Variants in DNASE1 observed in about 807,000 individuals in gnomAD.
DNASE1 encodes deoxyribonuclease-1.
DNASE1 carries 40 observed loss-of-function variants against 33.9 expected under a neutral mutation model. The observed-to-expected ratio is 1.18, with a 90% confidence interval of 0.92 to 1.54. The LOEUF (loss-of-function observed/expected upper bound fraction) is 1.54. Among genes scored for constraint, DNASE1 ranks in the 40% most tolerant of loss-of-function variants. The probability of loss-of-function intolerance (pLI) is 0.00; values close to 1 mark genes in which losing one functional copy is unlikely to be tolerated. For synonymous variants in DNASE1, 216 were observed against 160.0 expected, an observed-to-expected ratio of 1.35 and a Z score of -2.64; for missense variants, 518 against 372.6, an observed-to-expected ratio of 1.39 and a Z score of -3.21.
downstream of DNASE1, chr16:3,660,340 A>T (rs2043000086): frequency 1.3e-5 from 2 of 152,260 alleles, no homozygotes; most frequent in African/African-American, 4.8e-5. Context: ...TTTTAAAACA[A>T]ATGAAAGTGA....
At chr16:3,617,688 G>C (rs1260131307) in intron 1 of DNASE1, among the ~76,000 whole-genome samples, 1 of 152,146 alleles carries the variant, frequency 6.6e-6, no homozygotes, top group Non-Finnish European at 1.5e-5. Context: ...GCTCATGCCG[G>C]TAATCCCAGC....
upstream of DNASE1, among the ~76,000 whole-genome samples, chr16:3,638,396 G>A (rs2151187979): frequency 6.6e-6 from 1 of 152,238 alleles, no homozygotes; most frequent in Non-Finnish European, 1.5e-5. Context: ...GGAGTACAGT[G>A]GCGCAATCTT....
intron 1 of DNASE1, among the ~76,000 whole-genome samples, chr16:3,615,315 C>G (rs1394701739): frequency 1.3e-5 from 2 of 152,158 alleles, no homozygotes; most frequent in African/African-American, 4.8e-5. Context: ...ACAAAGCCAT[C>G]CATAACTGGG....
At chr16:3,658,389 G>C (rs540528113), downstream of DNASE1, 1 of 660,332 alleles carries the variant, frequency 1.5e-6, no homozygotes, top group African/African-American at 1.8e-5. Context: ...CAAAGTGCTG[G>C]GATTACAGGC....
rs549574607 is a variant in DNASE1, at chr16:3,636,167, CA to C, written c.-1358-4547del. 1.9e-3 allele frequency among the ~76,000 whole-genome samples: 293 copies of C among 152,114 alleles called. 2 individuals carry two copies. The highest frequency in any genetic ancestry group is 6.6e-3 in the African/African-American group (275 of 41,514). On this transcript the variant is annotated intron_variant and NMD_transcript_variant, in intron 1 of 11. Coordinates refer to the DNASE1 transcript ENST00000570769. Reference sequence around the variant, plus strand: ...TTTCAGTTTGGGAAGTTGCTACTGACATTTTTTTTCAAGCTCATTGATTCTT... The same window carrying C: ...TTTCAGTTTGGGAAGTTGCTACTGACTTTTTTTTCAAGCTCATTGATTCTT...
exon 10 of DNASE1, chr16:3,663,139 C>T (rs1439324151): frequency 1.5e-5 from 10 of 668,662 alleles, no homozygotes; most frequent in Non-Finnish European, 2.5e-5. Flanking sequence ...CTTCAGGTTG[C>T]CTGAGGCCCA....
At chr16:3,624,428 C>G (rs2041433584) in intron 1 of DNASE1, among the ~76,000 whole-genome samples, 1 of 152,176 alleles carries the variant, frequency 6.6e-6, no homozygotes, top group African/African-American at 2.4e-5. Flanking sequence ...TGGTGGTGCT[C>G]TAGGCACTGG....
intron 1 of DNASE1, among the ~76,000 whole-genome samples, chr16:3,648,713 A>G (rs919285458): frequency 6.6e-6 from 1 of 152,242 alleles, no homozygotes; most frequent in Non-Finnish European, 1.5e-5. Context: ...TTAAGAGTTT[A>G]CTATTAATAC....
exon 10 of DNASE1, chr16:3,664,434 T>C: frequency 1.2e-6 from 2 of 1,612,154 alleles, no homozygotes; most frequent in African/African-American, 1.3e-5. Context: ...CGAGGACTCG[T>C]AGCGCAGCAG....
chr16:3,633,015 T>G (rs2041747843), intron 1 of DNASE1, among the ~76,000 whole-genome samples: 1 of 152,224 alleles, frequency 6.6e-6, no homozygotes, highest in Non-Finnish European at 1.5e-5. Flanking sequence ...TCTGAGAAAG[T>G]CTTTATTTCT....
chr16:3,615,502 T>C (rs557221342), intron 1 of DNASE1, among the ~76,000 whole-genome samples: 4 of 152,224 alleles, frequency 2.6e-5, no homozygotes, highest in African/African-American at 9.6e-5. Context: ...GTTATTTCAG[T>C]AGGAACAGTA....
chr16:3,659,757 A>C (rs982586643), downstream of DNASE1: 8 of 131,360 alleles, frequency 6.1e-5, no homozygotes, highest in African/African-American at 2.1e-4. Context: ...TTTTAGATAG[A>C]TAGATAGATA....
At chr16:3,650,288 C>T (rs138483747), upstream of DNASE1, among the ~76,000 whole-genome samples, 42 of 152,164 alleles carry the variant, frequency 2.8e-4, 1 homozygote, top group East Asian at 4.2e-3. Context: ...GTAGAAACCA[C>T]GAGTTATTAA....
chr16:3,630,457 G>A (rs955277584), intron 1 of DNASE1, among the ~76,000 whole-genome samples: 1 of 152,074 alleles, frequency 6.6e-6, no homozygotes, highest in Non-Finnish European at 1.5e-5. Context: ...CTGGGATTAC[G>A]GGCATGAGCC....
upstream of DNASE1, among the ~76,000 whole-genome samples, chr16:3,641,869 G>T (rs1204505428): frequency 1.3e-5 from 2 of 152,220 alleles, no homozygotes. Flanking sequence ...CCGGGGACCA[G>T]TGGCTCACAG....
chr16:3,657,020 TTCCCCTGCATGCG>T lies in DNASE1; in HGVS notation c.459_471del (p.Leu155ArgfsTer5), dbSNP rs2042702035. 2.5e-6 allele frequency: 4 copies of T among 1,613,718 alleles called. No homozygotes were observed. Among genetic ancestry groups the T allele is most frequent in the Non-Finnish European group, 3.4e-6 (4 of 1,179,982 alleles). On this transcript the variant is annotated frameshift_variant, in exon 6 of 9. Transcript: ENST00000246949. LOFTEE classifies it high-confidence loss of function. ...ACAGAGGTCAGGGAGTTTGCCATTGTTCCCCTGCATGCGGCCCCGGGGGACGCAGTAGCCGAGA... is the reference window on the plus strand; with the variant it reads ...ACAGAGGTCAGGGAGTTTGCCATTGTGCCCCGGGGGACGCAGTAGCCGAGA...
At chr16:3,637,123 CA>C (rs55645773) in intron 1 of DNASE1, among the ~76,000 whole-genome samples, 27 of 144,344 alleles carry the variant, frequency 1.9e-4, no homozygotes, top group Non-Finnish European at 3.5e-4. Flanking sequence ...GACTCCATCT[CA>C]AAAAAAAAAG....
upstream of DNASE1, among the ~76,000 whole-genome samples, chr16:3,649,955 G>C (rs1248317285): frequency 6.6e-6 from 1 of 152,032 alleles, no homozygotes; most frequent in Admixed American, 6.5e-5. Flanking sequence ...AAGAGTTTTC[G>C]TATGTGGGAG....
chr16:3,625,464 T>A (rs771344087), intron 1 of DNASE1, among the ~76,000 whole-genome samples: 7 of 151,418 alleles, frequency 4.6e-5, no homozygotes, highest in Non-Finnish European at 8.8e-5. Flanking sequence ...AAAAAAAAAA[T>A]TGTTTAAATA....
Sources: gnomAD v4.1 joint callset for allele counts (sites outside exome capture counted in the v4.1 genomes callset) on GRCh38, gnomAD v4.1.1 for gene constraint, MANE v1.5 for transcripts, NCBI Gene and HGNC (gene_info 2026-07-23, HGNC 2026-07-21) for gene names.